Variants in ARID1B observed in about 807,000 individuals in gnomAD.
ARID1B encodes the protein AT-rich interactive domain-containing protein 1B.
A neutral mutation model predicts 212.3 loss-of-function variants in ARID1B; 30 were observed. That is an observed-to-expected ratio of 0.14 (90% CI 0.11 to 0.19). The LOEUF (loss-of-function observed/expected upper bound fraction) is 0.19, where lower values mean the gene tolerates loss of function less well. Among genes scored for constraint, ARID1B ranks in the 10% least tolerant of loss-of-function variants. ARID1B has a pLI of 1.00. For synonymous variants in ARID1B, 1,402 were observed against 1,301.7 expected (o/e 1.08, Z -1.66); for missense variants, 2,891 against 3,204.0 (o/e 0.90, Z 2.36).
intron 2 of ARID1B, among the ~76,000 whole-genome samples, chr6:156,900,438 C>T (rs747653145): frequency 1.3e-4 from 20 of 152,156 alleles, no homozygotes; most frequent in Non-Finnish European, 2.6e-4. Flanking sequence ...ATCTGGCACT[C>T]ATTAATTTCT....
intron 19 of ARID1B, chr6:157,205,854 C>T: frequency 3.3e-6 from 1 of 299,098 alleles, no homozygotes; most frequent in Non-Finnish European, 6.3e-6. Flanking sequence ...AGGTAAAGAA[C>T]AGCAAGGCAC....
chr6:157,055,337 T>C (rs1444317972), intron 4 of ARID1B, among the ~76,000 whole-genome samples: 1 of 152,232 alleles, frequency 6.6e-6, no homozygotes, highest in African/African-American at 2.4e-5. Context: ...AGTAACATAA[T>C]CTTTTTTTGT....
chr6:157,084,727 T>G lies in ARID1B; in HGVS notation c.2313T>G (p.Ser771Arg), dbSNP rs772549124. Residue 771 changes from serine (S) to arginine (R), a missense_variant, in exon 5 of 20, where the codon AGT becomes AGG. Ser to Arg is a moderately radical substitution (Grantham distance 110, BLOSUM62 -1). Coordinates refer to ENST00000636930, the MANE Select transcript of ARID1B (RefSeq NM_001374828.1). ...AAGCAACTTTGAGCTCAGCAGTCAG[T>G]GCATCCGGGTCCACGAGCAGCCAAG... ...GTEATLSSAV[S>R]ASGSTSSQGD... The G allele has an allele frequency of 1.2e-6, 2 of 1,614,176 alleles. No individual in the cohort carries two copies. Among genetic ancestry groups the G allele is most frequent in the East Asian group, 4.5e-5 (2 of 44,876 alleles).
Position 156,829,175 on chromosome 6 carries a change from C to G in ARID1B, c.1792-52C>G. ...TATGTTGACATAACACAAATTTGTGCCTTTGTAATAAAGAATGAATTAATA... is the reference window on the plus strand; with the variant it reads ...TATGTTGACATAACACAAATTTGTGGCTTTGTAATAAAGAATGAATTAATA... On this transcript the variant is annotated intron_variant, in intron 1 of 19. Coordinates refer to ENST00000636930, the MANE Select transcript of ARID1B (RefSeq NM_001374828.1). The G allele has an allele frequency of 4.1e-6, 6 of 1,464,888 alleles. No individual in the cohort carries two copies. The South Asian group carries it at 7.9e-5, about 19-fold the overall frequency. The allele number at this position is 1,464,888 out of a possible 1,614,324, so 90.7% of individuals were successfully genotyped here. A position where few individuals can be genotyped will look rare whatever the true frequency, so the allele number is the denominator to read the frequency against.
chr6:156,903,477 A>G (rs543229222), intron 3 of ARID1B, among the ~76,000 whole-genome samples: 1 of 152,326 alleles, frequency 6.6e-6, no homozygotes, highest in East Asian at 1.9e-4. Flanking sequence ...ATTGTGGGGC[A>G]GAGAGGTGAA....
intron 1 of ARID1B, among the ~76,000 whole-genome samples, chr6:156,801,752 A>G (rs1780807050): frequency 2.0e-5 from 3 of 151,954 alleles, no homozygotes; most frequent in African/African-American, 7.3e-5. Flanking sequence ...GTTTTACTTC[A>G]CTTTGTTTTA....
intron 2 of ARID1B, among the ~76,000 whole-genome samples, chr6:156,842,987 A>G (rs1784000642): frequency 6.6e-6 from 1 of 152,192 alleles, no homozygotes; most frequent in African/African-American, 2.4e-5. Context: ...AACACATTCC[A>G]CTGGTGTTAG....
chr6:156,832,340 T>A (rs897568682), intron 2 of ARID1B, among the ~76,000 whole-genome samples: 1 of 152,234 alleles, frequency 6.6e-6, no homozygotes, highest in Non-Finnish European at 1.5e-5. Flanking sequence ...AGGATTAATG[T>A]AATTGGCTAA....
Position 157,020,620 on chromosome 6 carries a change from G to GTTTCTCCTA in ARID1B, c.2248-64042_2248-64041insTTTCTCCTA, listed in dbSNP as rs1200956067. ...CATCACATAAACAACAGCCTAGCTT[G>GTTTCTCCTA]GTCATTTCTCCTACTCAGATCGCGA... On this transcript the variant is annotated intron_variant, in intron 4 of 19. Coordinates refer to ENST00000636930, the MANE Select transcript of ARID1B (RefSeq NM_001374828.1). Among the ~76,000 whole-genome samples, 173 of 152,270 alleles carry GTTTCTCCTA rather than the reference G, an allele frequency of 1.1e-3. 1 individual carries two copies. Among genetic ancestry groups the GTTTCTCCTA allele is most frequent in the African/African-American group, 4.0e-3 (167 of 41,556 alleles).
chr6:157,116,787 A>G lies in ARID1B; in HGVS notation c.2581+6226A>G, dbSNP rs73791267. Among the ~76,000 whole-genome samples the G allele has an allele frequency of 3.1e-3, 479 of 152,112 alleles. 4 individuals carry two copies. The highest frequency in any genetic ancestry group is 0.011 in the African/African-American group (448 of 41,490). ...GTCCCCCCAACCTTCATTTCTGCCC[A>G]CTTTCCAACCTACACAAGGACTGGC... On this transcript the variant is annotated intron_variant, in intron 6 of 19. Transcript: ENST00000636930.
chr6:156,803,272 T>A (rs2115369610), intron 1 of ARID1B, among the ~76,000 whole-genome samples: 1 of 152,366 alleles, frequency 6.6e-6, no homozygotes, highest in Admixed American at 6.5e-5. Flanking sequence ...TTTATGAAAT[T>A]CAGTCCACAT....
chr6:157,015,838 G>T, intron 4 of ARID1B, among the ~76,000 whole-genome samples: 1 of 152,240 alleles, frequency 6.6e-6, no homozygotes, highest in East Asian at 1.9e-4. Flanking sequence ...GCATTACTCC[G>T]ACCCCACTGC....
At chr6:157,040,692 A>G (rs1323118728) in intron 4 of ARID1B, among the ~76,000 whole-genome samples, 1 of 152,242 alleles carries the variant, frequency 6.6e-6, no homozygotes, top group Non-Finnish European at 1.5e-5. Context: ...GCAGTCTCGC[A>G]AAACTATCAT....
chr6:157,093,481 T>C (rs993038217), intron 5 of ARID1B, among the ~76,000 whole-genome samples: 2 of 152,228 alleles, frequency 1.3e-5, no homozygotes, highest in South Asian at 2.1e-4. Flanking sequence ...CAGGGTGATA[T>C]GGGTTGTCAT....
In ARID1B at chr6:157,206,358, TGACGACGAGGAA is replaced by T. The variant is rs760357573; in HGVS notation, c.5592_5603del (p.Asp1864_Asp1867del). The T allele has an allele frequency of 1.9e-6, 3 of 1,613,932 alleles. No homozygotes were observed. Among genetic ancestry groups the T allele is most frequent in the Non-Finnish European group, 2.5e-6 (3 of 1,180,024 alleles). On this transcript the variant is annotated inframe_deletion, in exon 20 of 20. Transcript: ENST00000636930. The surrounding 1 kb of genome is among the most constrained non-coding windows in gnomAD (Gnocchi z 6.8). ...AGGAGGAAGATGCTGAATGTATTGA[TGACGACGAGGAA>T]GACGAGGAGGATGAGGAGGAAGACA...
chr6:157,090,062 TTC>T lies in ARID1B; in HGVS notation c.2491+5159_2491+5160del, dbSNP rs1785184706. Among the ~76,000 whole-genome samples the T allele has an allele frequency of 1.3e-5, 2 of 152,224 alleles. 1 individual carries two copies. Among genetic ancestry groups the T allele is most frequent in the African/African-American group, 4.8e-5 (2 of 41,462 alleles). On this transcript the variant is annotated intron_variant, in intron 5 of 19. Coordinates refer to ENST00000636930, the MANE Select transcript of ARID1B (RefSeq NM_001374828.1). ...TGAATGCACCGCTGTTGCCAGAAGA[TTC>T]TGCGGATGTTAATTTCACTTGTCTT...
At chr6:157,069,438 C>G (rs953572367) in intron 4 of ARID1B, among the ~76,000 whole-genome samples, 1 of 152,142 alleles carries the variant, frequency 6.6e-6, no homozygotes, top group Non-Finnish European at 1.5e-5. Context: ...CAACGTATTG[C>G]AAATTTAACA....
intron 4 of ARID1B, among the ~76,000 whole-genome samples, chr6:157,083,323 A>G (rs969097373): frequency 1.3e-5 from 2 of 152,230 alleles, no homozygotes; most frequent in African/African-American, 2.4e-5. Context: ...CAGGACAAGT[A>G]TCTTTTATGC....
At chr6:156,791,294 C>T (rs1169458677) in intron 1 of ARID1B, among the ~76,000 whole-genome samples, 3 of 152,214 alleles carry the variant, frequency 2.0e-5, no homozygotes, top group Non-Finnish European at 2.9e-5. Flanking sequence ...ATTTGATTTG[C>T]ATATGTGGTA....
Sources: allele counts gnomAD v4.1 joint callset (sites outside exome capture counted in the v4.1 genomes callset), GRCh38; gene constraint gnomAD v4.1.1; non-coding constraint Gnocchi (gnomAD v3.1); transcripts MANE v1.5; gene names NCBI Gene and HGNC (gene_info 2026-07-23, HGNC 2026-07-21).